Variants in ZNF827 observed in about 807,000 individuals in gnomAD.
ZNF827 encodes the protein zinc finger protein 827.
Under a neutral mutation model 102.4 loss-of-function variants are expected in ZNF827, and 13 were observed. That is an observed-to-expected ratio of 0.13 (90% CI 0.08 to 0.20). The LOEUF is 0.20. Ranked by LOEUF, ZNF827 falls within the 10% of genes least tolerant of loss-of-function variation. The probability of loss-of-function intolerance (pLI) is 1.00; values close to 1 mark genes in which losing one functional copy is unlikely to be tolerated. For synonymous variants in ZNF827, 523 were observed against 536.2 expected (o/e 0.98, Z 0.34); for missense variants, 1,103 against 1,344.4 (o/e 0.82, Z 2.81).
chr4:145,909,359 G>A (rs1337341696), intron 1 of ZNF827, among the ~76,000 whole-genome samples: 1 of 152,150 alleles, frequency 6.6e-6, no homozygotes, highest in Non-Finnish European at 1.5e-5. Flanking sequence ...ACAATAAAAG[G>A]GGCACAATGG....
intron 5 of ZNF827, among the ~76,000 whole-genome samples, chr4:145,851,911 C>T (rs1746574006): frequency 6.6e-6 from 1 of 152,224 alleles, no homozygotes; most frequent in Admixed American, 6.5e-5. Context: ...CTTCCTCCCT[C>T]AAGCCCCTTA....
chr4:145,918,007 T>C (rs986986786), intron 1 of ZNF827, among the ~76,000 whole-genome samples: 1 of 152,164 alleles, frequency 6.6e-6, no homozygotes, highest in Non-Finnish European at 1.5e-5. Flanking sequence ...AAAGAAGTTA[T>C]TTGAAACACA....
intron 8 of ZNF827, among the ~76,000 whole-genome samples, chr4:145,782,875 T>TCC (rs941699575): frequency 6.6e-6 from 1 of 152,180 alleles, no homozygotes; most frequent in African/African-American, 2.4e-5. Context: ...CAAAAGCTAC[T>TCC]CCCCGCAACT....
At chr4:145,893,209 A>G (rs1289113052) in intron 2 of ZNF827, among the ~76,000 whole-genome samples, 1 of 152,160 alleles carries the variant, frequency 6.6e-6, no homozygotes, top group Non-Finnish European at 1.5e-5. Context: ...CCTCCAAATA[A>G]AGCTAAGGTC....
intron 4 of ZNF827, among the ~76,000 whole-genome samples, chr4:145,871,214 A>C (rs1748655298): frequency 6.6e-6 from 1 of 152,182 alleles, no homozygotes; most frequent in Non-Finnish European, 1.5e-5. Flanking sequence ...GAATTCCCTA[A>C]TGTTAGCATC....
At chr4:145,766,413 G>A (rs1735299751) in intron 11 of ZNF827, among the ~76,000 whole-genome samples, 1 of 152,198 alleles carries the variant, frequency 6.6e-6, no homozygotes, top group African/African-American at 2.4e-5. Flanking sequence ...CTGGATGTTA[G>A]GCAATGAAGA....
intron 8 of ZNF827, among the ~76,000 whole-genome samples, chr4:145,796,242 G>A (rs1334671772): frequency 6.6e-6 from 1 of 152,206 alleles, no homozygotes; most frequent in East Asian, 1.9e-4. Flanking sequence ...ACTCTTTCAA[G>A]TACAGAGCTG....
At chr4:145,888,898 G>A (rs116103717) in intron 3 of ZNF827, among the ~76,000 whole-genome samples, 12 of 152,278 alleles carry the variant, frequency 7.9e-5, no homozygotes, top group Admixed American at 2.0e-4. Context: ...ACATTTGCAC[G>A]ATATATTATG....
chr4:145,841,668 G>A (rs976085560), intron 7 of ZNF827, among the ~76,000 whole-genome samples: 1 of 152,194 alleles, frequency 6.6e-6, no homozygotes, highest in African/African-American at 2.4e-5. Flanking sequence ...AAAGACTGCT[G>A]TTTTAGCATT....
intron 8 of ZNF827, among the ~76,000 whole-genome samples, chr4:145,805,592 G>A (rs560659617): frequency 5.9e-5 from 9 of 152,252 alleles, no homozygotes; most frequent in Non-Finnish European, 1.3e-4. Flanking sequence ...AAGCCTTTCA[G>A]AGGACATTAT....
At chr4:145,885,650 GA>G in intron 4 of ZNF827, 27 bp downstream of exon 4, 1 of 1,301,484 alleles carries the variant, frequency 7.7e-7, no homozygotes, top group Non-Finnish European at 1.0e-6. Context: ...GAGAGAGAGA[GA>G]GAGAGAATAC....
intron 7 of ZNF827, among the ~76,000 whole-genome samples, chr4:145,833,526 C>T (rs1744474425): frequency 6.6e-6 from 1 of 152,094 alleles, no homozygotes; most frequent in East Asian, 1.9e-4. Flanking sequence ...TGTCTCTACC[C>T]CTTCTCTGCT....
At chr4:145,917,700 C>CAAA (rs763617063) in intron 1 of ZNF827, among the ~76,000 whole-genome samples, 2,268 of 46,746 alleles carry the variant, frequency 0.049, 271 homozygotes, top group Middle Eastern at 0.1. Flanking sequence ...GGTAGCTGGT[C>CAAA]AAAAAAAAAA....
chr4:145,840,892 T>C (rs1415656425), intron 7 of ZNF827, among the ~76,000 whole-genome samples: 1 of 152,250 alleles, frequency 6.6e-6, no homozygotes, highest in Non-Finnish European at 1.5e-5. Flanking sequence ...TGTGCCATTA[T>C]CTAAATCACA....
rs755454719 is a variant in ZNF827, at chr4:145,823,462, C to A, written c.2343G>T (p.Leu781=). ...SPFTSNSKEL[L]PSDSVLHGRI... ...TTCCGTGCAGCACGGAGTCACTGGG[C>A]AGCAGTTCTTTTGAATTGGAGGTGA... The change falls in exon 8 of 15, where the codon CTG becomes CTT. Residue 781 remains leucine, a synonymous_variant. Transcript: ENST00000508784. The A allele has an allele frequency of 2.2e-5, 35 of 1,610,370 alleles. No homozygotes were observed. The highest frequency in any genetic ancestry group is 3.0e-5 in the Non-Finnish European group (35 of 1,179,418).
At chr4:145,829,017 AG>A (rs1743941650) in intron 7 of ZNF827, among the ~76,000 whole-genome samples, 1 of 152,220 alleles carries the variant, frequency 6.6e-6, no homozygotes, top group South Asian at 2.1e-4. Context: ...CAAACGTTAC[AG>A]GGATTCTCAT....
chr4:145,775,410 G>T (rs1315377746), intron 10 of ZNF827, among the ~76,000 whole-genome samples: 1 of 151,896 alleles, frequency 6.6e-6, no homozygotes, highest in Non-Finnish European at 1.5e-5. Context: ...GGGGTTCTCA[G>T]ATTTATATTT....
At chr4:145,781,709 C>T (rs1023150064) in intron 8 of ZNF827, among the ~76,000 whole-genome samples, 7 of 152,180 alleles carry the variant, frequency 4.6e-5, no homozygotes, top group African/African-American at 2.4e-5. Context: ...CTTGAGTCCA[C>T]GCAGTGGGCA....
chr4:145,839,878 A>G (rs1745249236), intron 7 of ZNF827, among the ~76,000 whole-genome samples: 1 of 152,384 alleles, frequency 6.6e-6, no homozygotes, highest in Admixed American at 6.5e-5. Context: ...AAAGAAAGGC[A>G]CAGCCCTCTT....
Sources: gnomAD v4.1 joint callset for allele counts (sites outside exome capture counted in the v4.1 genomes callset) on GRCh38, gnomAD v4.1.1 for gene constraint, MANE v1.5 for transcripts, NCBI Gene and HGNC (gene_info 2026-07-23, HGNC 2026-07-21) for gene names.